The following SVIL variants were observed in gnomAD, a reference collection of about 807,000 sequenced individuals.
The protein encoded by SVIL is archvillin.
SVIL carries 101 observed loss-of-function variants against 240.4 expected under a neutral mutation model. The observed-to-expected ratio is 0.42, with a 90% CI of 0.36 to 0.50. SVIL has a LOEUF of 0.50. Ranked by LOEUF, SVIL falls within the 20% of genes least tolerant of loss-of-function variation. The probability of loss-of-function intolerance (pLI) is 0.01; values close to 1 mark genes in which losing one functional copy is unlikely to be tolerated. For missense variants in SVIL, 2,512 were observed against 2,818.7 expected, an observed-to-expected ratio of 0.89 and a Z score of 2.46; for synonymous variants, 999 against 1,100.0, an observed-to-expected ratio of 0.91 and a Z score of 1.82.
At chr10:29,663,846 TG>T (rs1199114583) in intron 2 of SVIL, among the ~76,000 whole-genome samples, 2 of 152,314 alleles carry the variant, frequency 1.3e-5, no homozygotes, top group Admixed American at 6.5e-5. Context: ...CGGTGAGTGC[TG>T]CTGGCAATCA....
intron 6 of SVIL, among the ~76,000 whole-genome samples, chr10:29,543,528 C>T (rs550875888): frequency 6.6e-6 from 1 of 152,288 alleles, no homozygotes; most frequent in African/African-American, 2.4e-5. Context: ...CAATCTTGAA[C>T]TTGTGCACTG....
chr10:29,677,930 T>A (rs898437587), intron 2 of SVIL, among the ~76,000 whole-genome samples: 3 of 152,152 alleles, frequency 2.0e-5, no homozygotes, highest in Non-Finnish European at 4.4e-5. Flanking sequence ...CCAGCAATGA[T>A]CCTGCCTACC....
At chr10:29,671,135 A>G (rs1006948498) in intron 2 of SVIL, 1 of 152,152 alleles carries the variant, frequency 6.6e-6, no homozygotes, top group African/African-American at 2.4e-5. Context: ...TCCAGCTGGA[A>G]CCGTCCAAAC....
chr10:29,617,402 T>C (rs150180404), intron 1 of SVIL, among the ~76,000 whole-genome samples: 1 of 152,164 alleles, frequency 6.6e-6, no homozygotes, highest in Non-Finnish European at 1.5e-5. Context: ...TATTTCTCTA[T>C]TTTGTATTTT....
At chr10:29,521,788 C>T (rs1950576092) in intron 16 of SVIL, among the ~76,000 whole-genome samples, 1 of 152,132 alleles carries the variant, frequency 6.6e-6, no homozygotes, top group Non-Finnish European at 1.5e-5. Flanking sequence ...TCCTCTGCAC[C>T]CTACGTCATT....
intron 21 of SVIL, 102 bp downstream of exon 21, chr10:29,493,112 G>T (rs1307652956): frequency 5.2e-6 from 7 of 1,338,760 alleles, no homozygotes; most frequent in Non-Finnish European, 7.1e-6. Flanking sequence ...GGAGTTAGAA[G>T]GAGAAGGAGG....
chr10:29,709,453 C>T (rs1486150733), intron 1 of SVIL, among the ~76,000 whole-genome samples: 1 of 152,256 alleles, frequency 6.6e-6, no homozygotes, highest in Non-Finnish European at 1.5e-5. Flanking sequence ...TGTGTTACCT[C>T]TCAGCTGCAG....
chr10:29,666,440 C>T (rs1959302412), intron 2 of SVIL, among the ~76,000 whole-genome samples: 1 of 152,156 alleles, frequency 6.6e-6, no homozygotes, highest in African/African-American at 2.4e-5. Context: ...AGTTTTATAT[C>T]CCACACCTAA....
chr10:29,555,128 G>T lies in SVIL; in HGVS notation c.-50-20C>A, dbSNP rs1953786003. 2 of 1,595,840 alleles carry T rather than the reference G, an allele frequency of 1.3e-6. No individual in the cohort carries two copies. The highest frequency in any genetic ancestry group is 2.2e-5 in the South Asian group (2 of 89,022). On this transcript the variant is annotated intron_variant, in intron 3 of 37. Transcript: ENST00000355867. ...CTGCAACTGGAAGAAAACCAAAAAA[G>T]AACAAAATATAGTATTTAGTAGTCG...
chr10:29,635,400 C>G (rs191746073), upstream of SVIL, among the ~76,000 whole-genome samples: 101 of 152,260 alleles, frequency 6.6e-4, no homozygotes, highest in South Asian at 0.012. Context: ...TACAAGTTTA[C>G]AAATTCTGTA....
chr10:29,700,071 CAT>C (rs1414555886), intron 1 of SVIL, among the ~76,000 whole-genome samples: 1 of 152,290 alleles, frequency 6.6e-6, no homozygotes, highest in East Asian at 1.9e-4. Context: ...AGAGTAAAAA[CAT>C]AGACGAAATA....
intron 1 of SVIL, among the ~76,000 whole-genome samples, chr10:29,598,639 A>G (rs1469261567): frequency 6.6e-6 from 1 of 152,210 alleles, no homozygotes; most frequent in Non-Finnish European, 1.5e-5. Context: ...CTCTAGTTTC[A>G]GTGGAGATTC....
intron 2 of SVIL, among the ~76,000 whole-genome samples, chr10:29,682,557 C>G (rs919611426): frequency 6.6e-6 from 1 of 152,050 alleles, no homozygotes; most frequent in Admixed American, 6.6e-5. Context: ...TAAAAGGAAC[C>G]AAACCATAAT....
At chr10:29,558,160 T>C (rs1334528350) in intron 3 of SVIL, among the ~76,000 whole-genome samples, 6 of 152,170 alleles carry the variant, frequency 3.9e-5, no homozygotes, top group Admixed American at 3.9e-4. Flanking sequence ...CAGACGCCAC[T>C]AGCCCAGCAC....
upstream of SVIL, among the ~76,000 whole-genome samples, chr10:29,636,105 T>TG (rs1958302110): frequency 6.6e-6 from 1 of 151,550 alleles, no homozygotes; most frequent in Non-Finnish European, 1.5e-5. Flanking sequence ...GTCAACTGTT[T>TG]TTTTTTTTTT....
At chr10:29,626,286 C>T (rs945092362) in intron 1 of SVIL, among the ~76,000 whole-genome samples, 3 of 152,142 alleles carry the variant, frequency 2.0e-5, no homozygotes, top group African/African-American at 7.2e-5. Flanking sequence ...AACCTAAGCA[C>T]TTGAACAACA....
chr10:29,734,224 C>T (rs1219727397), intron 1 of SVIL, among the ~76,000 whole-genome samples: 3 of 152,184 alleles, frequency 2.0e-5, no homozygotes, highest in Admixed American at 2.0e-4. Flanking sequence ...TAGTTCTCTT[C>T]ATATACATTA....
intron 1 of SVIL, among the ~76,000 whole-genome samples, chr10:29,591,602 A>G (rs1956392222): frequency 6.6e-6 from 1 of 152,244 alleles, no homozygotes; most frequent in Non-Finnish European, 1.5e-5. Flanking sequence ...CACCTCTGAC[A>G]AAGCAATAGT....
chr10:29,609,510 G>A (rs1247434), intron 1 of SVIL, among the ~76,000 whole-genome samples: 63,908 of 152,052 alleles, frequency 0.42, 13,620 homozygotes, highest in African/African-American at 0.46. Context: ...CACACTGTAG[G>A]TAACAAGAAG....
Sources: allele counts gnomAD v4.1 joint callset (sites outside exome capture counted in the v4.1 genomes callset), GRCh38; gene constraint gnomAD v4.1.1; transcripts MANE v1.5; gene names NCBI Gene and HGNC (gene_info 2026-07-23, HGNC 2026-07-21).